The following PRDM2 variants were observed in gnomAD, a reference collection of about 807,000 sequenced individuals.
PRDM2 encodes the protein PR domain zinc finger protein 2.
A neutral mutation model predicts 130.0 loss-of-function variants in PRDM2; 30 were observed. The observed-to-expected ratio is 0.23, with a 90% CI of 0.17 to 0.31. PRDM2 has a LOEUF of 0.31. PRDM2 is among the 10% of genes least tolerant of loss of function. PRDM2 has a pLI of 1.00. For missense variants in PRDM2, 2,011 were observed against 2,108.4 expected (o/e 0.95, Z 0.90); for synonymous variants, 871 against 782.4 (o/e 1.11, Z -1.89).
chr1:13,715,647 A>G, intron 2 of PRDM2, 33 bp downstream of exon 2: 3 of 1,561,158 alleles, frequency 1.9e-6, no homozygotes, highest in Non-Finnish European at 2.6e-6. Flanking sequence ...ATACAAATAC[A>G]TGACCTAGAT....
chr1:13,792,371 T>C lies in PRDM2; in HGVS notation c.5036+9540T>C, dbSNP rs535838126. Among the ~76,000 whole-genome samples the C allele has an allele frequency of 5.3e-5, 8 of 152,372 alleles. No homozygotes were observed. The East Asian group carries it at 1.3e-3, about 26-fold the overall frequency. ...TTTTAACTTAAAAACAATTTCAGTGTACAGCAGTTGAATTTGTCGTAGCAT... is the reference window on the plus strand; with the variant it reads ...TTTTAACTTAAAAACAATTTCAGTGCACAGCAGTTGAATTTGTCGTAGCAT... On this transcript the variant is annotated intron_variant, in intron 8 of 9. Coordinates refer to ENST00000311066, the MANE Select transcript of PRDM2 (RefSeq NM_001393986.1).
rs1644601307 is a variant in PRDM2, at chr1:13,781,015, T to C, written c.3220T>C (p.Ser1074Pro). 1.2e-6 allele frequency: 2 copies of C among 1,604,730 alleles called. No individual in the cohort carries two copies. The highest frequency in any genetic ancestry group is 1.3e-5 in the African/African-American group (1 of 74,630). Residue 1074 changes from serine to proline, a missense_variant, in exon 8 of 10, where the codon TCT (serine) becomes CCT (proline). Ser to Pro is a moderately conservative substitution (Grantham distance 74, BLOSUM62 -1). Transcript: ENST00000311066. The surrounding 1 kb of genome is among the most constrained non-coding windows in gnomAD (Gnocchi z 6.1). ...TTCTTCATCTTCCTCCTCTTCTCCT[T>C]CTCCACCTCCTCTCTCCGCAATATC... Reference protein sequence around the residue: ...FSSSSSSSSPSPPPLSAISSV... With the variant: ...FSSSSSSSSPPPPPLSAISSV...
At position 13,782,389 on chromosome 1, in the gene PRDM2, G is replaced by T. The variant is rs139643957; in HGVS notation, c.4594G>T (p.Gly1532Cys). 261 of 1,613,626 alleles carry T rather than the reference G, an allele frequency of 1.6e-4. No individual in the cohort carries two copies. The highest frequency in any genetic ancestry group is 2.2e-4 in the Non-Finnish European group (254 of 1,180,000). ...AATGCAAAGCATGCAGACTCCGTTG[G>T]GCAAGACCAGAGCCCGCAGCTCAGG... ...IKMQSMQTPL[G>C]KTRARSSGPT... The change falls in exon 8 of 10, where the codon GGC becomes TGC. Residue 1532 changes from glycine (G) to cysteine (C), a missense_variant. By Grantham distance (159) the Gly-to-Cys change is radical. Transcript: ENST00000311066.
chr1:13,818,760 A>T (rs1046870431), intron 9 of PRDM2, among the ~76,000 whole-genome samples: 15 of 151,968 alleles, frequency 9.9e-5, no homozygotes, highest in African/African-American at 3.6e-4. Flanking sequence ...GAGGGGAGCA[A>T]AAATAAAATC....
At chr1:13,796,713 C>G (rs1321343532) in intron 8 of PRDM2, among the ~76,000 whole-genome samples, 1 of 152,202 alleles carries the variant, frequency 6.6e-6, no homozygotes, top group Non-Finnish European at 1.5e-5. Context: ...GATTGCACCA[C>G]TGTGTTCCTG....
chr1:13,724,816 CAGGGCATAA>C (rs1249812460), intron 2 of PRDM2, among the ~76,000 whole-genome samples: 3 of 152,032 alleles, frequency 2.0e-5, no homozygotes, highest in Admixed American at 6.6e-5. Flanking sequence ...AAAGATATTG[CAGGGCATAA>C]AGGGAGAAAA....
intron 8 of PRDM2, among the ~76,000 whole-genome samples, chr1:13,814,565 C>T (rs966404649): frequency 6.6e-6 from 1 of 152,210 alleles, no homozygotes; most frequent in Non-Finnish European, 1.5e-5. Flanking sequence ...ACCTTTGTTG[C>T]GGGGGCCTGT....
chr1:13,814,002 C>T (rs1645217096), intron 8 of PRDM2, among the ~76,000 whole-genome samples: 1 of 152,214 alleles, frequency 6.6e-6, no homozygotes, highest in Non-Finnish European at 1.5e-5. Context: ...GCTTGTCTGT[C>T]TCCAAAGCTT....
At position 13,778,887 on chromosome 1, in the gene PRDM2, T is replaced by C. The variant is rs56201064; in HGVS notation, c.1092T>C (p.His364=). The part of the protein sequence containing the change: ...VFETFMFPCQ[H]CERKFTTKQG... ...AAACGTTTATGTTTCCGTGTCAACA[T>C]TGTGAAAGGAAGTTTACAACCAAAC... The change falls in exon 8 of 10, where the codon CAT becomes CAC. Residue 364 remains histidine (H), a synonymous_variant. Coordinates refer to ENST00000311066, the MANE Select transcript of PRDM2 (RefSeq NM_001393986.1). 33,292 of 1,614,204 alleles carry C rather than the reference T, an allele frequency of 0.021. 644 individuals are homozygous for C. The highest frequency in any genetic ancestry group is 0.087 in the South Asian group (7,951 of 91,084).
At chr1:13,701,652 A>T (rs1331777097) in intron 1 of PRDM2, among the ~76,000 whole-genome samples, 1 of 152,174 alleles carries the variant, frequency 6.6e-6, no homozygotes, top group Non-Finnish European at 1.5e-5. Context: ...CCTTGAGATG[A>T]CCTTTAAAGA....
At chr1:13,818,571 G>A (rs1393605595) in intron 9 of PRDM2, among the ~76,000 whole-genome samples, 1 of 149,040 alleles carries the variant, frequency 6.7e-6, no homozygotes, top group Non-Finnish European at 1.5e-5. Flanking sequence ...TATTTTAGTA[G>A]AGACGGGGTT....
intron 1 of PRDM2, among the ~76,000 whole-genome samples, chr1:13,709,740 G>A (rs147447096): frequency 2.8e-4 from 42 of 152,130 alleles, no homozygotes; most frequent in Non-Finnish European, 5.4e-4. Flanking sequence ...TGATAAAAAC[G>A]TATTCTCTTA....
At chr1:13,797,402 A>G (rs964470392) in intron 8 of PRDM2, among the ~76,000 whole-genome samples, 30 of 152,338 alleles carry the variant, frequency 2.0e-4, no homozygotes, top group African/African-American at 6.7e-4. Context: ...ATAGGCCTCA[A>G]TGAACTGGTG....
rs193018751 is a variant in PRDM2, at chr1:13,718,377, G to A, written c.9+2763G>A. On this transcript the variant is annotated intron_variant, in intron 2 of 9. Coordinates refer to ENST00000311066, the MANE Select transcript of PRDM2 (RefSeq NM_001393986.1). The stretch of plus-strand genomic sequence containing the variant: ...GAGTTTCAGGGACTGCAGGATCCTC[G>A]TCATGGGCATATCATATTGTTTGTT... 2.1e-3 allele frequency among the ~76,000 whole-genome samples: 326 copies of A among 152,202 alleles called. 2 individuals carry two copies. The highest frequency in any genetic ancestry group is 3.6e-3 in the Non-Finnish European group (246 of 68,006).
intron 8 of PRDM2, among the ~76,000 whole-genome samples, chr1:13,798,332 A>T (rs1415695917): frequency 6.6e-6 from 1 of 152,246 alleles, no homozygotes; most frequent in Admixed American, 6.5e-5. Flanking sequence ...TTGAACAAAG[A>T]ATGTCCGTTC....
At chr1:13,774,060 T>G (rs2100639686) in intron 7 of PRDM2, among the ~76,000 whole-genome samples, 1 of 152,368 alleles carries the variant, frequency 6.6e-6, no homozygotes, top group Admixed American at 6.5e-5. Flanking sequence ...AATTCTTATT[T>G]TGTCTCTTCG....
chr1:13,700,481 C>G (rs1402632286), intron 1 of PRDM2, among the ~76,000 whole-genome samples, 181 bp downstream of exon 1: 1 of 150,168 alleles, frequency 6.7e-6, no homozygotes, highest in Non-Finnish European at 1.5e-5. Context: ...CGGGACGAGG[C>G]GCGGGCCTCC....
chr1:13,819,984 C>T (rs981726842), intron 9 of PRDM2, among the ~76,000 whole-genome samples: 2 of 152,158 alleles, frequency 1.3e-5, no homozygotes, highest in Non-Finnish European at 2.9e-5. Context: ...TTTAACATAG[C>T]TCCAGATTTA....
chr1:13,787,418 C>T, intron 8 of PRDM2: 3 of 985,014 alleles, frequency 3.0e-6, no homozygotes, highest in Non-Finnish European at 3.6e-6. Context: ...ATGCCTCCCC[C>T]TAAATTAATG....
Sources: gnomAD v4.1 joint callset for allele counts (sites outside exome capture counted in the v4.1 genomes callset) on GRCh38, gnomAD v4.1.1 for gene constraint, Gnocchi (gnomAD v3.1) non-coding constraint, MANE v1.5 for transcripts, NCBI Gene and HGNC (gene_info 2026-07-23, HGNC 2026-07-21) for gene names.